Variants in COL4A2 observed in about 807,000 individuals in gnomAD.
The protein encoded by COL4A2 is collagen alpha-2(IV) chain.
A neutral mutation model predicts 200.2 loss-of-function variants in COL4A2; 99 were observed. The observed-to-expected ratio is 0.49, with a 90% CI of 0.42 to 0.58. The LOEUF (loss-of-function observed/expected upper bound fraction) is 0.58, where lower values mean the gene tolerates loss of function less well. Among genes scored for constraint, COL4A2 ranks in the 20% least tolerant of loss-of-function variants. The pLI, the probability that COL4A2 is intolerant of heterozygous loss-of-function variation, is 0.00. For missense variants in COL4A2, 1,950 were observed against 2,314.1 expected (o/e 0.84, Z 3.23); for synonymous variants, 897 against 900.6 (o/e 1.00, Z 0.07).
At chr13:110,504,411 A>G (rs1883769842) in intron 45 of COL4A2, 147 bp downstream of exon 45, 2 of 652,660 alleles carry the variant, frequency 3.1e-6, no homozygotes, top group Non-Finnish European at 5.3e-6. Context: ...ATCTGGGCGT[A>G]GCAGCTACAC....
At chr13:110,394,764 A>T (rs1261300745) in intron 4 of COL4A2, among the ~76,000 whole-genome samples, 2 of 152,142 alleles carry the variant, frequency 1.3e-5, no homozygotes, top group African/African-American at 4.8e-5. Flanking sequence ...CTAGAGTGAG[A>T]TGCATTCCAT....
intron 29 of COL4A2, among the ~76,000 whole-genome samples, chr13:110,475,686 T>C (rs1882677066): frequency 6.6e-6 from 1 of 152,214 alleles, no homozygotes. Flanking sequence ...CGCTCACCAG[T>C]GCTACAGGAG....
chr13:110,322,016 G>A (rs569880232), intron 3 of COL4A2, among the ~76,000 whole-genome samples: 44 of 152,382 alleles, frequency 2.9e-4, no homozygotes, highest in Admixed American at 1.4e-3. Flanking sequence ...GTTGTAGTGA[G>A]TGGCAGAATT....
intron 10 of COL4A2, 54 bp from the exon 11 acceptor site, chr13:110,432,271 A>T: frequency 1.3e-6 from 2 of 1,566,520 alleles, no homozygotes; most frequent in Non-Finnish European, 1.7e-6. Context: ...ACCAGATGTT[A>T]TCTGGGTCCT....
chr13:110,462,048 C>A, intron 22 of COL4A2, 66 bp from the exon 23 acceptor site: 1 of 1,591,536 alleles, frequency 6.3e-7, no homozygotes, highest in South Asian at 1.1e-5. Flanking sequence ...AAAAGCTTGC[C>A]AGCCATCTTC....
chr13:110,414,462 C>G (rs1436346735), intron 4 of COL4A2, among the ~76,000 whole-genome samples: 1 of 152,234 alleles, frequency 6.6e-6, no homozygotes, highest in Non-Finnish European at 1.5e-5. Context: ...CCAGGCCAGT[C>G]CTGGGACAGG....
chr13:110,375,450 C>G (rs1680131731), intron 4 of COL4A2, among the ~76,000 whole-genome samples: 1 of 152,160 alleles, frequency 6.6e-6, no homozygotes, highest in Admixed American at 6.5e-5. Flanking sequence ...ATTGCAGGGA[C>G]TGTTGGGTTT....
At chr13:110,378,551 C>T (rs1390208599) in intron 4 of COL4A2, among the ~76,000 whole-genome samples, 3 of 152,038 alleles carry the variant, frequency 2.0e-5, no homozygotes, top group Admixed American at 2.0e-4. Flanking sequence ...AATCAGGAGG[C>T]CTTTTAAGAT....
At chr13:110,362,599 G>A (rs938997415) in intron 4 of COL4A2, among the ~76,000 whole-genome samples, 2 of 152,146 alleles carry the variant, frequency 1.3e-5, no homozygotes, top group Non-Finnish European at 2.9e-5. Flanking sequence ...GGGATTACAG[G>A]TGTGAGCCAC....
chr13:110,307,880 G>T lies in COL4A2; in HGVS notation c.-24G>T. 2 of 1,609,600 alleles carry T rather than the reference G, an allele frequency of 1.2e-6. No homozygotes were observed. Among genetic ancestry groups the T allele is most frequent in the Non-Finnish European group, 8.5e-7 (1 of 1,177,820 alleles). On this transcript the variant is annotated 5_prime_UTR_variant, in exon 2 of 48. Coordinates refer to ENST00000360467, the MANE Select transcript of COL4A2 (RefSeq NM_001846.4). The surrounding 1 kb of genome is among the most constrained non-coding windows in gnomAD (Gnocchi z 5.0). ...TCTAGGCTAAGTGGGACTGACCGGG[G>T]CCCAGAGTGGACGAACCGCCAGCAT...
In COL4A2 at chr13:110,436,312, C is replaced by A. The variant is rs1383709300; in HGVS notation, c.770C>A (p.Thr257Asn). 1 of 1,613,948 alleles carries A rather than the reference C, an allele frequency of 6.2e-7. No homozygotes were observed. Among genetic ancestry groups the A allele is most frequent in the East Asian group, 2.2e-5 (1 of 44,882 alleles). ...QPGPNGIPSDTLHPIIAPTGV... is the reference protein window; with the variant it reads ...QPGPNGIPSDNLHPIIAPTGV... The stretch of plus-strand genomic sequence containing the variant: ...GGACCCAACGGGATTCCATCAGACA[C>A]CCTCCACCCCATCATCGCGCCCACA... Residue 257 changes from threonine (T) to asparagine (N), a missense_variant, in exon 13 of 48, where the codon ACC becomes AAC. Coordinates refer to ENST00000360467, the MANE Select transcript of COL4A2 (RefSeq NM_001846.4).
chr13:110,442,157 T>C (rs1414890551), intron 16 of COL4A2, among the ~76,000 whole-genome samples: 2 of 141,246 alleles, frequency 1.4e-5, no homozygotes, highest in Non-Finnish European at 3.0e-5. Context: ...CCAAAGTTAA[T>C]GAAAGACAAG....
At chr13:110,350,681 T>G (rs1876917943) in intron 3 of COL4A2, among the ~76,000 whole-genome samples, 1 of 152,194 alleles carries the variant, frequency 6.6e-6, no homozygotes, top group Non-Finnish European at 1.5e-5. Context: ...TCCGACCACC[T>G]AGTGTAGGGC....
chr13:110,468,140 C>T (rs1194890919), intron 27 of COL4A2: 2 of 471,092 alleles, frequency 4.2e-6, no homozygotes, highest in South Asian at 1.5e-5. Flanking sequence ...AGTGGACGGA[C>T]ACATTCTATG....
chr13:110,322,298 C>T (rs1885296249), intron 3 of COL4A2, among the ~76,000 whole-genome samples: 1 of 152,164 alleles, frequency 6.6e-6, no homozygotes, highest in African/African-American at 2.4e-5. Flanking sequence ...AAACGTTCAC[C>T]ACTCTCCCGA....
chr13:110,467,506 G>A (rs992093755), intron 27 of COL4A2, among the ~76,000 whole-genome samples: 2 of 152,248 alleles, frequency 1.3e-5, no homozygotes, highest in African/African-American at 4.8e-5. Flanking sequence ...ACAGGAAACG[G>A]GAATAAACAA....
In COL4A2 at chr13:110,430,607, A is replaced by G. The variant is rs1221934460; in HGVS notation, c.648A>G (p.Pro216=). 1.9e-6 allele frequency: 3 copies of G among 1,614,088 alleles called. No individual in the cohort carries two copies. The highest frequency in any genetic ancestry group is 2.5e-6 in the Non-Finnish European group (3 of 1,180,024). ...GTCCAGTTGGAGCTCCAGGGAGACC[A>G]GTAAGTACCTGGACACAGGTGCCCA... is the stretch of plus-strand genomic sequence containing the variant. The part of the protein sequence containing the change: ...QMGPVGAPGR[P]GPPGPPGPKG... Residue 216 remains proline (P), a splice_region_variant and synonymous_variant, in exon 10 of 48, where the codon CCA becomes CCG. Coordinates refer to ENST00000360467, the MANE Select transcript of COL4A2 (RefSeq NM_001846.4).
chr13:110,420,385 A>G (rs6492270), intron 4 of COL4A2, among the ~76,000 whole-genome samples: 132,434 of 152,178 alleles, frequency 0.87, 57,808 homozygotes, highest in Non-Finnish European at 0.9. Flanking sequence ...TTCTTAGGAA[A>G]TAGTACCTCT....
At chr13:110,445,708 G>T in intron 16 of COL4A2, 121 bp from the exon 17 acceptor site, 1 of 1,293,222 alleles carries the variant, frequency 7.7e-7, no homozygotes, top group Non-Finnish European at 1.1e-6. Context: ...AGCACAGACT[G>T]GGTTAATACA....
Sources: allele counts gnomAD v4.1 joint callset (sites outside exome capture counted in the v4.1 genomes callset), GRCh38; gene constraint gnomAD v4.1.1; non-coding constraint Gnocchi (gnomAD v3.1); transcripts MANE v1.5; gene names NCBI Gene and HGNC (gene_info 2026-07-23, HGNC 2026-07-21).